AGBL1: variants seen among roughly 807,000 people sequenced by gnomAD.
AGBL1 encodes the protein cytosolic carboxypeptidase 4.
AGBL1 carries 130 observed loss-of-function variants against 118.9 expected under a neutral mutation model. The ratio of observed to expected loss-of-function variants is 1.09; its 90% CI spans 0.95 to 1.26. The LOEUF (loss-of-function observed/expected upper bound fraction) is 1.26, where lower values mean the gene tolerates loss of function less well. Among genes scored for constraint, AGBL1 ranks in the 50% most tolerant of loss-of-function variants. The pLI is 0.00. For synonymous variants in AGBL1, 555 were observed against 478.9 expected, an observed-to-expected ratio of 1.16 and a Z score of -2.08; for missense variants, 1,584 against 1,298.1, an observed-to-expected ratio of 1.22 and a Z score of -3.38.
At chr15:86,253,203 T>C (rs944383583) in intron 7 of AGBL1, among the ~76,000 whole-genome samples, 3 of 151,804 alleles carry the variant, frequency 2.0e-5, no homozygotes, top group African/African-American at 4.8e-5. Context: ...GCATTTAGAG[T>C]TCCTTGAACT....
chr15:86,823,313 C>T (rs917035124), intron 22 of AGBL1, among the ~76,000 whole-genome samples: 1 of 152,156 alleles, frequency 6.6e-6, no homozygotes, highest in African/African-American at 2.4e-5. Context: ...ACGAATATGT[C>T]TGAGAATCTT....
intron 18 of AGBL1, among the ~76,000 whole-genome samples, chr15:86,406,369 T>A (rs771472587): frequency 3.3e-5 from 5 of 152,204 alleles, no homozygotes; most frequent in African/African-American, 4.8e-5. Context: ...CGTAGTATGG[T>A]TCTTAGCACC....
chr15:86,901,382 G>A (rs1015545293), intron 22 of AGBL1, among the ~76,000 whole-genome samples: 1 of 151,936 alleles, frequency 6.6e-6, no homozygotes, highest in Admixed American at 6.6e-5. Context: ...ATCATGGTGT[G>A]AGATAGGGTT....
intron 5 of AGBL1, among the ~76,000 whole-genome samples, chr15:86,217,948 T>G (rs2078217311): frequency 6.6e-6 from 1 of 152,170 alleles, no homozygotes; most frequent in Non-Finnish European, 1.5e-5. Flanking sequence ...GGAGAACAGC[T>G]TGAAGGAGAT....
chr15:86,269,905 C>A lies in AGBL1; in HGVS notation c.1839-14C>A, dbSNP rs1448394067. 6.2e-7 allele frequency: 1 copy of A among 1,612,832 alleles called. No homozygotes were observed. On this transcript the variant is annotated splice_polypyrimidine_tract_variant and intron_variant, in intron 13 of 22. Transcript: ENST00000614907. Reference sequence around the variant, plus strand: ...CTTTCCAGATAACCCTCCAGTCTTGCTTCTGATCTGCAGGTTCGAGTATGA... The same window carrying A: ...CTTTCCAGATAACCCTCCAGTCTTGATTCTGATCTGCAGGTTCGAGTATGA...
chr15:86,747,648 GC>G lies in AGBL1; in HGVS notation c.3158+73216del, dbSNP rs546281602. Among the ~76,000 whole-genome samples the G allele has an allele frequency of 2.7e-3, 415 of 152,100 alleles. 1 individual carries two copies. Among genetic ancestry groups the G allele is most frequent in the Admixed American group, 4.3e-3 (65 of 15,260 alleles). On this transcript the variant is annotated intron_variant, in intron 22 of 22. Coordinates refer to ENST00000614907, the MANE Select transcript of AGBL1 (RefSeq NM_001386094.1). Reference sequence around the variant, plus strand: ...CCCTCCTCCCCACACCCCACAACAGGCCCCAGTGTGTGATGTTCCCCTTCCT... The same window carrying G: ...CCCTCCTCCCCACACCCCACAACAGGCCCAGTGTGTGATGTTCCCCTTCCT...
At chr15:86,228,636 G>C (rs1393027649) in intron 6 of AGBL1, among the ~76,000 whole-genome samples, 1 of 152,138 alleles carries the variant, frequency 6.6e-6, no homozygotes. Flanking sequence ...GGGAGACTTG[G>C]AGTCTACCCA....
In AGBL1 at chr15:86,655,638, C is replaced by T. The variant is rs75630279; in HGVS notation, c.2995-18635C>T. 4.0e-3 allele frequency among the ~76,000 whole-genome samples: 608 copies of T among 152,202 alleles called. 3 individuals carry two copies. Among genetic ancestry groups the T allele is most frequent in the African/African-American group, 0.012 (498 of 41,526 alleles). ...CATATATGTTGACAAAAAGAACATA[C>T]GCAATTCAAAAAACTAGAAATTGCC... On this transcript the variant is annotated intron_variant, in intron 21 of 22. Transcript: ENST00000614907.
At chr15:86,083,822 G>C (rs1047702097) in intron 1 of AGBL1, 9 of 152,206 alleles carry the variant, frequency 5.9e-5, no homozygotes, top group African/African-American at 2.2e-4. Flanking sequence ...TTCCCTTGTA[G>C]AACTCTCTGT....
chr15:86,664,467 A>C (rs1428034634), intron 21 of AGBL1, among the ~76,000 whole-genome samples: 1 of 152,082 alleles, frequency 6.6e-6, no homozygotes, highest in East Asian at 1.9e-4. Flanking sequence ...GCCTCTCCAA[A>C]CCTGTTTAAA....
intron 18 of AGBL1, among the ~76,000 whole-genome samples, chr15:86,402,559 C>T (rs772819766): frequency 2.6e-5 from 4 of 152,128 alleles, no homozygotes; most frequent in Non-Finnish European, 5.9e-5. Flanking sequence ...TGTGTGTTGT[C>T]TGATCAGTAA....
At chr15:86,318,592 G>A (rs1477038913) in intron 17 of AGBL1, among the ~76,000 whole-genome samples, 1 of 150,878 alleles carries the variant, frequency 6.6e-6, no homozygotes, top group Non-Finnish European at 1.5e-5. Flanking sequence ...CAATGTTAGA[G>A]TTATTAACTG....
chr15:86,789,560 T>G (rs535359648), intron 22 of AGBL1, among the ~76,000 whole-genome samples: 1 of 152,226 alleles, frequency 6.6e-6, no homozygotes, highest in South Asian at 2.1e-4. Flanking sequence ...TAATGAGCCT[T>G]TAAATTATAC....
At chr15:86,253,501 G>A (rs1345209542) in intron 7 of AGBL1, among the ~76,000 whole-genome samples, 3 of 151,944 alleles carry the variant, frequency 2.0e-5, no homozygotes, top group African/African-American at 4.8e-5. Context: ...CACCTGCCTC[G>A]GCCTCCCAAA....
intron 22 of AGBL1, among the ~76,000 whole-genome samples, chr15:86,709,967 T>C (rs996836949): frequency 6.6e-6 from 1 of 152,198 alleles, no homozygotes; most frequent in African/African-American, 2.4e-5. Flanking sequence ...TGTTTATTGC[T>C]GCCCCAACTT....
At chr15:86,150,641 CA>C (rs2077095414) in intron 3 of AGBL1, among the ~76,000 whole-genome samples, 2 of 152,074 alleles carry the variant, frequency 1.3e-5, no homozygotes, top group Admixed American at 6.5e-5. Context: ...AGCCTACCAC[CA>C]AAAAAAGTCC....
intron 21 of AGBL1, among the ~76,000 whole-genome samples, chr15:86,587,214 C>T (rs1452557492): frequency 3.9e-5 from 6 of 152,050 alleles, no homozygotes; most frequent in South Asian, 2.1e-4. Flanking sequence ...AACTGAGGCA[C>T]GGACAGGATG....
At chr15:86,218,429 G>A (rs1310866248) in intron 5 of AGBL1, among the ~76,000 whole-genome samples, 1 of 152,126 alleles carries the variant, frequency 6.6e-6, no homozygotes, top group Non-Finnish European at 1.5e-5. Context: ...GCTTTGGGTG[G>A]GGGACAGACT....
chr15:86,419,475 A>G (rs1180937464), intron 18 of AGBL1, among the ~76,000 whole-genome samples: 1 of 152,030 alleles, frequency 6.6e-6, no homozygotes, highest in Non-Finnish European at 1.5e-5. Flanking sequence ...AGACCAGGAG[A>G]ATCCCTTGGG....
Sources: allele counts gnomAD v4.1 joint callset (sites outside exome capture counted in the v4.1 genomes callset), GRCh38; gene constraint gnomAD v4.1.1; transcripts MANE v1.5; gene names NCBI Gene and HGNC (gene_info 2026-07-23, HGNC 2026-07-21).